The following RBFOX1 variants were observed in gnomAD, a reference collection of about 807,000 sequenced individuals.
RBFOX1 encodes the protein RNA binding protein fox-1 homolog 1.
Under a neutral mutation model 57.7 loss-of-function variants are expected in RBFOX1, and 8 were observed. That is an observed-to-expected ratio of 0.14 (90% CI 0.08 to 0.25). The LOEUF (loss-of-function observed/expected upper bound fraction) is 0.25. Ranked by LOEUF, RBFOX1 falls within the 10% of genes least tolerant of loss-of-function variation. The pLI is 1.00. For synonymous variants in RBFOX1, 326 were observed against 222.4 expected, an observed-to-expected ratio of 1.47 and a Z score of -4.15; for missense variants, 611 against 548.5, an observed-to-expected ratio of 1.11 and a Z score of -1.14.
intron 3 of RBFOX1, among the ~76,000 whole-genome samples, chr16:6,883,656 G>C (rs2063391350): frequency 6.6e-6 from 1 of 152,114 alleles, no homozygotes; most frequent in Non-Finnish European, 1.5e-5. Flanking sequence ...TATCTTTGTA[G>C]TAAGTATTGA....
At chr16:5,569,438 C>CTTTTTTTTTTT (rs796279138) in intron 2 of RBFOX1, among the ~76,000 whole-genome samples, 661 of 49,200 alleles carry the variant, frequency 0.013, 15 homozygotes, top group Non-Finnish European at 0.021. Flanking sequence ...AAGAAGTAAC[C>CTTTTTTTTTTT]TTTTTTTTTT....
intron 1 of RBFOX1, among the ~76,000 whole-genome samples, chr16:6,287,278 G>T (rs2076995269): frequency 6.6e-6 from 1 of 152,152 alleles, no homozygotes; most frequent in Non-Finnish European, 1.5e-5. Context: ...TGGCCAACGA[G>T]TGCCACCAAA....
chr16:5,495,045 A>G (rs1305931880), intron 2 of RBFOX1, among the ~76,000 whole-genome samples: 1 of 152,130 alleles, frequency 6.6e-6, no homozygotes, highest in Non-Finnish European at 1.5e-5. Context: ...CATACCTCAG[A>G]CTGGGTAATT....
intron 5 of RBFOX1, among the ~76,000 whole-genome samples, chr16:7,520,949 T>C: frequency 6.6e-6 from 1 of 152,218 alleles, no homozygotes; most frequent in East Asian, 1.9e-4. Flanking sequence ...CTGCCATGGT[T>C]GAACAAAACA....
chr16:6,523,646 T>C (rs2153806824), intron 2 of RBFOX1, among the ~76,000 whole-genome samples: 1 of 152,312 alleles, frequency 6.6e-6, no homozygotes, highest in East Asian at 1.9e-4. Flanking sequence ...AATCTTCAAA[T>C]ACATCATAAG....
At chr16:6,855,404 C>A (rs925367074) in intron 3 of RBFOX1, among the ~76,000 whole-genome samples, 1 of 152,030 alleles carries the variant, frequency 6.6e-6, no homozygotes, top group African/African-American at 2.4e-5. Context: ...GTAATCCCAG[C>A]ACTTTGGGAG....
chr16:6,550,164 C>T (rs1227651112), intron 2 of RBFOX1, among the ~76,000 whole-genome samples: 1 of 152,044 alleles, frequency 6.6e-6, no homozygotes, highest in African/African-American at 2.4e-5. Context: ...CACTGTTCTT[C>T]ATGGTACACT....
chr16:7,425,221 A>G (rs924066239), intron 4 of RBFOX1, among the ~76,000 whole-genome samples: 3 of 152,202 alleles, frequency 2.0e-5, no homozygotes, highest in Non-Finnish European at 2.9e-5. Context: ...TTGTTGTTTA[A>G]TGCTTCATTT....
intron 4 of RBFOX1, among the ~76,000 whole-genome samples, chr16:7,253,465 A>G (rs1450696019): frequency 6.6e-6 from 1 of 152,188 alleles, no homozygotes; most frequent in Non-Finnish European, 1.5e-5. Context: ...ACGAGACTTC[A>G]GGATCAATCC....
intron 4 of RBFOX1, among the ~76,000 whole-genome samples, chr16:7,142,911 T>C (rs940861802): frequency 3.7e-5 from 3 of 80,062 alleles, no homozygotes; most frequent in Non-Finnish European, 1.0e-4. Flanking sequence ...ATCTGCAGAG[T>C]ATTTTTTTTT....
chr16:6,828,915 A>G (rs2092459045), intron 3 of RBFOX1, among the ~76,000 whole-genome samples: 1 of 152,240 alleles, frequency 6.6e-6, no homozygotes, highest in African/African-American at 2.4e-5. Context: ...AAATCCCCTT[A>G]GGCATGGTGC....
intron 4 of RBFOX1, among the ~76,000 whole-genome samples, chr16:7,283,196 G>A (rs2095581920): frequency 6.6e-6 from 1 of 151,904 alleles, no homozygotes; most frequent in Admixed American, 6.6e-5. Flanking sequence ...ATAGTGGTGG[G>A]TTAAGCATTT....
chr16:6,367,568 C>T (rs1020911404), intron 2 of RBFOX1, among the ~76,000 whole-genome samples: 2 of 151,996 alleles, frequency 1.3e-5, no homozygotes, highest in African/African-American at 4.8e-5. Context: ...ATGCGCCTGG[C>T]CCCTTCTTGG....
intron 1 of RBFOX1, among the ~76,000 whole-genome samples, chr16:6,205,437 G>A (rs1184673235): frequency 4.6e-5 from 7 of 152,164 alleles, no homozygotes; most frequent in East Asian, 3.9e-4. Context: ...ACTTTCAGAT[G>A]ACTTTAGGGG....
intron 13 of RBFOX1, among the ~76,000 whole-genome samples, chr16:7,667,516 A>C (rs2069751906): frequency 6.6e-6 from 1 of 152,222 alleles, no homozygotes; most frequent in African/African-American, 2.4e-5. Flanking sequence ...ATGGTTAAAC[A>C]GACTCTTAGA....
intron 1 of RBFOX1, among the ~76,000 whole-genome samples, chr16:6,120,290 C>T (rs979400488): frequency 6.6e-6 from 1 of 152,180 alleles, no homozygotes; most frequent in African/African-American, 2.4e-5. Flanking sequence ...TGGGCACATA[C>T]CTAGGAGTGG....
intron 1 of RBFOX1, among the ~76,000 whole-genome samples, chr16:6,178,115 G>A (rs1365568968): frequency 6.6e-6 from 1 of 150,376 alleles, no homozygotes; most frequent in African/African-American, 2.4e-5. Flanking sequence ...GTGAATATTT[G>A]GTTATGGTCA....
intron 4 of RBFOX1, among the ~76,000 whole-genome samples, chr16:7,405,568 T>C (rs1442316906): frequency 1.3e-5 from 2 of 152,186 alleles, no homozygotes; most frequent in African/African-American, 4.8e-5. Context: ...GTGCGCCTCA[T>C]GCCTCACATT....
chr16:5,956,765 G>T (rs953079387), intron 4 of RBFOX1, among the ~76,000 whole-genome samples: 1 of 147,660 alleles, frequency 6.8e-6, no homozygotes, highest in Non-Finnish European at 1.5e-5. Flanking sequence ...ACCTCCTGGG[G>T]CTCAGATGAT....
Sources: allele counts gnomAD v4.1 joint callset (sites outside exome capture counted in the v4.1 genomes callset), GRCh38; gene constraint gnomAD v4.1.1; transcripts MANE v1.5; gene names NCBI Gene and HGNC (gene_info 2026-07-23, HGNC 2026-07-21).